The following SNTG1 variants were observed in gnomAD, a reference collection of about 807,000 sequenced individuals.
The protein encoded by SNTG1 is gamma-1-syntrophin.
SNTG1 carries 39 observed loss-of-function variants against 74.7 expected under a neutral mutation model. That is an observed-to-expected ratio of 0.52 (90% CI 0.40 to 0.68). The LOEUF is 0.68. SNTG1 is among the 30% of genes least tolerant of loss of function. The probability of loss-of-function intolerance (pLI) is 0.00; values close to 1 mark genes in which losing one functional copy is unlikely to be tolerated. For synonymous variants in SNTG1, 254 were observed against 217.1 expected (o/e 1.17, Z -1.49); for missense variants, 685 against 609.5 (o/e 1.12, Z -1.30).
At chr8:50,700,205 G>A (rs1449293559) in intron 15 of SNTG1, among the ~76,000 whole-genome samples, 2 of 152,080 alleles carry the variant, frequency 1.3e-5, no homozygotes, top group Non-Finnish European at 2.9e-5. Context: ...TCTAGTCAAT[G>A]CCAGTCTCTA....
At chr8:50,521,693 C>G (rs2094180915) in intron 9 of SNTG1, among the ~76,000 whole-genome samples, 1 of 152,154 alleles carries the variant, frequency 6.6e-6, no homozygotes, top group African/African-American at 2.4e-5. Flanking sequence ...TCTTCTTAAA[C>G]TCTGCAACCA....
chr8:50,408,019 G>T, intron 4 of SNTG1, among the ~76,000 whole-genome samples: 1 of 152,142 alleles, frequency 6.6e-6, no homozygotes, highest in African/African-American at 2.4e-5. Flanking sequence ...TACCTAGAGG[G>T]GCAACTGGGG....
intron 1 of SNTG1, among the ~76,000 whole-genome samples, chr8:49,947,681 T>G (rs1809325886): frequency 6.6e-6 from 1 of 152,186 alleles, no homozygotes; most frequent in Admixed American, 6.5e-5. Context: ...GAGAGTTGCC[T>G]GAGGAGTGAC....
chr8:50,533,794 A>G (rs917833140), intron 10 of SNTG1, among the ~76,000 whole-genome samples: 4 of 152,204 alleles, frequency 2.6e-5, no homozygotes, highest in African/African-American at 7.2e-5. Context: ...CCTTTGGTAC[A>G]TACAGGCATC....
chr8:50,359,775 A>C (rs1449832758), intron 2 of SNTG1, among the ~76,000 whole-genome samples: 1 of 152,198 alleles, frequency 6.6e-6, no homozygotes, highest in East Asian at 1.9e-4. Context: ...TTTAAGGATA[A>C]AGATTAATAC....
At chr8:50,061,828 G>C (rs978253973) in intron 1 of SNTG1, among the ~76,000 whole-genome samples, 2 of 152,062 alleles carry the variant, frequency 1.3e-5, no homozygotes, top group Non-Finnish European at 2.9e-5. Context: ...CTTATTGTCA[G>C]AGAATTTCAA....
chr8:50,377,905 T>C (rs1487346690), intron 2 of SNTG1, among the ~76,000 whole-genome samples: 1 of 152,216 alleles, frequency 6.6e-6, no homozygotes, highest in Non-Finnish European at 1.5e-5. Context: ...GTATAACTGG[T>C]CAAAACTGAG....
chr8:50,707,846 TAA>T (rs2095448763), intron 16 of SNTG1: 2 of 382,600 alleles, frequency 5.2e-6, no homozygotes, highest in African/African-American at 2.1e-5. Context: ...ATATAAACCT[TAA>T]GTTTTTATTT....
chr8:50,684,824 T>C (rs2095345550), intron 15 of SNTG1, among the ~76,000 whole-genome samples: 1 of 151,210 alleles, frequency 6.6e-6, no homozygotes, highest in Non-Finnish European at 1.5e-5. Flanking sequence ...GCCATGCTGG[T>C]GCGCTGCACC....
intron 2 of SNTG1, among the ~76,000 whole-genome samples, chr8:50,315,788 C>T (rs1257450582): frequency 6.6e-6 from 1 of 152,090 alleles, no homozygotes; most frequent in East Asian, 1.9e-4. Flanking sequence ...CAAAGCTCTG[C>T]TATTGTTATT....
intron 1 of SNTG1, among the ~76,000 whole-genome samples, chr8:50,128,291 T>C (rs1337654413): frequency 6.6e-6 from 1 of 152,096 alleles, no homozygotes; most frequent in East Asian, 1.9e-4. Flanking sequence ...AAAATGATGG[T>C]TGTGATTAAG....
rs571722662 is a variant in SNTG1 at position 49,972,239 on chromosome 8, A to T, written c.-103+60008A>T. 3.3e-5 allele frequency among the ~76,000 whole-genome samples: 5 copies of T among 152,336 alleles called. No homozygotes were observed. In the South Asian group the frequency reaches 1.0e-3, roughly 32 times the overall value. ...TATCTACAACCACCTGATCTTTGACAAACCTGACAAAAACAAGAAATGAGG... is the reference window on the plus strand; with the variant it reads ...TATCTACAACCACCTGATCTTTGACTAACCTGACAAAAACAAGAAATGAGG... On this transcript the variant is annotated intron_variant, in intron 1 of 18. Transcript: ENST00000642720.
intron 1 of SNTG1, among the ~76,000 whole-genome samples, chr8:50,063,034 T>G (rs1820608898): frequency 6.6e-6 from 1 of 152,228 alleles, no homozygotes; most frequent in Admixed American, 6.5e-5. Flanking sequence ...TAAGATATAT[T>G]CAGACCCATA....
intron 1 of SNTG1, among the ~76,000 whole-genome samples, chr8:50,001,401 GC>G (rs1814725768): frequency 6.6e-6 from 1 of 152,116 alleles, no homozygotes; most frequent in Admixed American, 6.6e-5. Context: ...TAGGAAGGTG[GC>G]CTTGAACTGC....
intron 1 of SNTG1, among the ~76,000 whole-genome samples, chr8:50,058,679 T>C (rs1248754242): frequency 6.6e-6 from 1 of 152,040 alleles, no homozygotes; most frequent in Non-Finnish European, 1.5e-5. Flanking sequence ...GCAACGAGGA[T>C]ACTGACATTG....
At chr8:50,624,181 A>G (rs2094941726) in intron 13 of SNTG1, among the ~76,000 whole-genome samples, 1 of 152,056 alleles carries the variant, frequency 6.6e-6, no homozygotes, top group South Asian at 2.1e-4. Context: ...CAAAGCTCCT[A>G]AAGAAATATA....
At chr8:50,576,232 C>T (rs1274951979) in intron 12 of SNTG1, among the ~76,000 whole-genome samples, 3 of 152,150 alleles carry the variant, frequency 2.0e-5, no homozygotes, top group Admixed American at 1.3e-4. Flanking sequence ...TTAGTTAATA[C>T]GACTGTCTTT....
intron 2 of SNTG1, among the ~76,000 whole-genome samples, chr8:50,342,306 A>C (rs540731889): frequency 5.4e-4 from 82 of 152,252 alleles, no homozygotes; most frequent in African/African-American, 1.9e-3. Context: ...TGCCCTCTTT[A>C]GCTTATAAAA....
chr8:50,437,335 T>TTCTTTA (rs2093314881), intron 4 of SNTG1, among the ~76,000 whole-genome samples: 1 of 152,294 alleles, frequency 6.6e-6, no homozygotes, highest in Middle Eastern at 3.4e-3. Context: ...GGCAATCTTG[T>TTCTTTA]TCTTTAAGTA....
Sources: gnomAD v4.1 joint callset for allele counts (sites outside exome capture counted in the v4.1 genomes callset) on GRCh38, gnomAD v4.1.1 for gene constraint, MANE v1.5 for transcripts, NCBI Gene and HGNC (gene_info 2026-07-23, HGNC 2026-07-21) for gene names.